Variants in MYO18A observed in about 807,000 individuals in gnomAD.
MYO18A encodes unconventional myosin-XVIIIa.
Under a neutral mutation model 235.8 loss-of-function variants are expected in MYO18A, and 78 were observed. The ratio of observed to expected loss-of-function variants is 0.33; its 90% CI spans 0.28 to 0.40. The LOEUF is 0.40. Among genes scored for constraint, MYO18A ranks in the 10% least tolerant of loss-of-function variants. MYO18A has a pLI of 1.00. For missense variants in MYO18A, 2,215 were observed against 2,699.3 expected, an observed-to-expected ratio of 0.82 and a Z score of 3.98; for synonymous variants, 977 against 1,077.8, an observed-to-expected ratio of 0.91 and a Z score of 1.83.
chr17:29,141,418 C>A (rs868032754), intron 2 of MYO18A, among the ~76,000 whole-genome samples: 1 of 136,766 alleles, frequency 7.3e-6, no homozygotes, highest in African/African-American at 2.8e-5. Flanking sequence ...ACAGTCATTG[C>A]CTCCCTCTTC....
intron 2 of MYO18A, among the ~76,000 whole-genome samples, chr17:29,139,429 C>A (rs79870308): frequency 1.1e-3 from 164 of 152,264 alleles, no homozygotes; most frequent in African/African-American, 3.7e-3. Context: ...ACCTCTCCCC[C>A]ACCCCCGGGC....
At chr17:29,076,329 T>C (rs980849465) in intron 41 of MYO18A, 1 of 129,772 alleles carries the variant, frequency 7.7e-6, no homozygotes, top group African/African-American at 3.0e-5. Context: ...TTGGTTGACC[T>C]GAGATTAAAA....
In MYO18A at chr17:29,120,540, G is replaced by T; in HGVS notation, c.1728+76C>A. Reference sequence around the variant, plus strand: ...AGAATCCCAGGAAAATGAGGCATGGGAGAGAGCCTGATGTCTAGGTCATGA... The same window carrying T: ...AGAATCCCAGGAAAATGAGGCATGGTAGAGAGCCTGATGTCTAGGTCATGA... On this transcript the variant is annotated intron_variant, in intron 7 of 41. Coordinates refer to ENST00000527372, the MANE Select transcript of MYO18A (RefSeq NM_078471.4). This position sits in a 1 kb window ranked among gnomAD's most constrained non-coding sequence, Gnocchi z 4.2. The T allele has an allele frequency of 6.6e-7, 1 of 1,523,880 alleles. No individual in the cohort carries two copies. The highest frequency in any genetic ancestry group is 8.9e-7 in the Non-Finnish European group (1 of 1,128,860). 94.4% of individuals were successfully genotyped at this position (1,523,880 alleles called of 1,614,324 possible). A position where few individuals can be genotyped will look rare whatever the true frequency, so the allele number is the denominator to read the frequency against.
At chr17:29,095,309 G>A (rs2066494652) in intron 28 of MYO18A, among the ~76,000 whole-genome samples, 3 of 152,192 alleles carry the variant, frequency 2.0e-5, no homozygotes, top group Non-Finnish European at 4.4e-5. Flanking sequence ...AGGCCTAAGA[G>A]GGACCCACAG....
At position 29,106,363 on chromosome 17, in the gene MYO18A, G is replaced by A. The variant is rs986903359; in HGVS notation, c.3441+717C>T. The stretch of plus-strand genomic sequence containing the variant: ...TCAGGTCTTTAAGGCAGGGGTGGAG[G>A]GGCAGGGGGGCACACACAGAGGCAG... On this transcript the variant is annotated intron_variant, in intron 20 of 41. Transcript: ENST00000527372. The surrounding 1 kb of genome is among the most constrained non-coding windows in gnomAD (Gnocchi z 4.6). Among the ~76,000 whole-genome samples, 2 of 152,174 alleles carry A rather than the reference G, an allele frequency of 1.3e-5. No homozygotes were observed. Among genetic ancestry groups the A allele is most frequent in the Non-Finnish European group, 2.9e-5 (2 of 68,032 alleles).
chr17:29,120,470 A>C lies in MYO18A; in HGVS notation c.1728+146T>G. On this transcript the variant is annotated intron_variant, in intron 7 of 41. Transcript: ENST00000527372. The surrounding 1 kb of genome is among the most constrained non-coding windows in gnomAD (Gnocchi z 4.2). Reference sequence around the variant, plus strand: ...GGGCAGAATGGTGATGCCTCTGGATAGTGCAGGCCAACCCTGCCCATGCCT... The same window carrying C: ...GGGCAGAATGGTGATGCCTCTGGATCGTGCAGGCCAACCCTGCCCATGCCT... 9.8e-7 allele frequency: 1 copy of C among 1,025,268 alleles called. No homozygotes were observed. Among genetic ancestry groups the C allele is most frequent in the Non-Finnish European group, 1.4e-6 (1 of 713,116 alleles). 63.5% of individuals were successfully genotyped at this position (1,025,268 alleles called of 1,614,324 possible). A position where few individuals can be genotyped will look rare whatever the true frequency, so the allele number is the denominator to read the frequency against.
chr17:29,111,846 G>A lies in MYO18A; in HGVS notation c.2616C>T (p.Arg872=), dbSNP rs1032715609. The A allele has an allele frequency of 1.2e-6, 2 of 1,611,932 alleles. No homozygotes were observed. The highest frequency in any genetic ancestry group is 1.3e-5 in the African/African-American group (1 of 74,878). Residue 872 remains arginine, a synonymous_variant, in exon 16 of 42, where the codon CGC becomes CGT. Transcript: ENST00000527372. The surrounding 1 kb of genome is among the most constrained non-coding windows in gnomAD (Gnocchi z 5.1). ...AGAGCAGGCCCCTCGCCTCGTCTGT[G>A]CGGGCCAGCGAGCGGACCTACAGAG... ...SHQSLVRSLA[R]TDEARGLLWL... is the part of the protein sequence containing the mutation.
chr17:29,134,528 T>C (rs1249605872), intron 2 of MYO18A, among the ~76,000 whole-genome samples: 1 of 152,050 alleles, frequency 6.6e-6, no homozygotes, highest in African/African-American at 2.4e-5. Flanking sequence ...TCTATTTATT[T>C]ATTTATTTAT....
chr17:29,175,099 T>A (rs1033521874), intron 1 of MYO18A, among the ~76,000 whole-genome samples: 16 of 152,120 alleles, frequency 1.1e-4, no homozygotes, highest in Non-Finnish European at 2.4e-4. Context: ...GACTTGTGTT[T>A]CATCCATATT....
In MYO18A at chr17:29,121,705, C is replaced by T. The variant is rs373037295; in HGVS notation, c.1213G>A (p.Asp405Asn). ...DVEKANAPSC[D>N]RLEDLASLVY... ...AGTGAGGCCAGATCCTCCAGACGGT[C>T]GCAGGAGGGAGCATTAGCCTGTGTG... The change falls in exon 5 of 42, where the codon GAC (aspartate) becomes AAC (asparagine). Residue 405 changes from aspartate to asparagine, a missense_variant. Asp to Asn is a conservative substitution (Grantham distance 23, BLOSUM62 1). Transcript: ENST00000527372. The surrounding 1 kb of genome is among the most constrained non-coding windows in gnomAD (Gnocchi z 4.2). 8 of 1,566,542 alleles carry T rather than the reference C, an allele frequency of 5.1e-6. No individual in the cohort carries two copies. In the African/African-American group the frequency reaches 5.4e-5, roughly 11 times the overall value.
rs2066542974 is a variant in MYO18A, at chr17:29,097,329, T to C, written c.4124A>G (p.Tyr1375Cys). Residue 1375 changes from tyrosine to cysteine, a missense_variant, in exon 27 of 42, where the codon TAT becomes TGT. Coordinates refer to ENST00000527372, the MANE Select transcript of MYO18A (RefSeq NM_078471.4). ...DDAGGEWRLK[Y>C]ERAVREVDFT... Reference sequence around the variant, plus strand: ...GTCCACCTCCCGCACAGCCCGCTCATACTTCAGCCGCCACTCGCCACCTGT... The same window carrying C: ...GTCCACCTCCCGCACAGCCCGCTCACACTTCAGCCGCCACTCGCCACCTGT... 6.2e-7 allele frequency: 1 copy of C among 1,608,678 alleles called. No individual in the cohort carries two copies. The highest frequency in any genetic ancestry group is 1.1e-5 in the South Asian group (1 of 91,068).
At chr17:29,105,171 C>CAAAAAAAAA (rs58344909) in intron 20 of MYO18A, among the ~76,000 whole-genome samples, 1 of 35,798 alleles carries the variant, frequency 2.8e-5, no homozygotes, top group Non-Finnish European at 5.9e-5. Flanking sequence ...GACTCTGTCT[C>CAAAAAAAAA]AAAAAAAAAA....
chr17:29,073,893 G>C lies in MYO18A; in HGVS notation c.*877C>G. On this transcript the variant is annotated 3_prime_UTR_variant, in exon 42 of 42. Transcript: ENST00000527372. ...CCTCTCAAGTTGAGTTTATGGTCCA[G>C]ACCACCTGGACAGAGCAGGAGGGAG... 1 of 1,607,936 alleles carries C rather than the reference G, an allele frequency of 6.2e-7. No homozygotes were observed.
chr17:29,115,496 G>A, intron 12 of MYO18A, 55 bp from the exon 13 acceptor site: 3 of 1,580,272 alleles, frequency 1.9e-6, no homozygotes, highest in Non-Finnish European at 2.6e-6. Flanking sequence ...CCCCATCTGG[G>A]TAAGCCCCTG....
intron 2 of MYO18A, chr17:29,127,819 G>A (rs1236806504): frequency 1.0e-6 from 1 of 980,294 alleles, no homozygotes. Context: ...AGGGTGGTGA[G>A]GGGCAGGAGC....
Position 29,111,963 on chromosome 17 carries a change from GTGCACACA to G in MYO18A, c.2599-108_2599-101del. ...ACACACCCTACAGAATGCTACACAT[GTGCACACA>G]TGCACACACGCACATGCCGCAGCTC... On this transcript the variant is annotated intron_variant, in intron 15 of 41. Coordinates refer to ENST00000527372, the MANE Select transcript of MYO18A (RefSeq NM_078471.4). The surrounding 1 kb of genome is among the most constrained non-coding windows in gnomAD (Gnocchi z 5.1). 7.1e-7 allele frequency: 1 copy of G among 1,414,328 alleles called. No individual in the cohort carries two copies. Among genetic ancestry groups the G allele is most frequent in the Non-Finnish European group, 9.6e-7 (1 of 1,045,490 alleles). The allele number at this position is 1,414,328 out of a possible 1,614,324, so 87.6% of individuals were successfully genotyped here. A position where few individuals can be genotyped will look rare whatever the true frequency, so the allele number is the denominator to read the frequency against.
At chr17:29,088,323 G>A (rs982802546) in intron 37 of MYO18A, among the ~76,000 whole-genome samples, 8 of 151,656 alleles carry the variant, frequency 5.3e-5, no homozygotes, top group African/African-American at 1.5e-4. Context: ...AAAAGTGCTG[G>A]GATTACAGGC....
At chr17:29,131,418 G>A (rs1001549685) in intron 2 of MYO18A, 20 of 985,844 alleles carry the variant, frequency 2.0e-5, no homozygotes, top group Non-Finnish European at 2.4e-5. Context: ...CCAGGCTTTG[G>A]CAGAGTTTTG....
rs1421462012 is a variant in MYO18A at position 29,093,062 on chromosome 17, C to T, written c.4927-61G>A. 1.9e-6 allele frequency: 3 copies of T among 1,559,000 alleles called. No individual in the cohort carries two copies. In the East Asian group the frequency reaches 7.0e-5, roughly 36 times the overall value. ...GCACAGGGCTTCCTCCTATCTTCCC[C>T]AAGCTCCCTCCTCACCACGTCCTCA... On this transcript the variant is annotated intron_variant, in intron 32 of 41. Transcript: ENST00000527372.
Sources: allele counts gnomAD v4.1 joint callset (sites outside exome capture counted in the v4.1 genomes callset), GRCh38; gene constraint gnomAD v4.1.1; non-coding constraint Gnocchi (gnomAD v3.1); transcripts MANE v1.5; gene names NCBI Gene and HGNC (gene_info 2026-07-23, HGNC 2026-07-21).